Variants in PIP5K1B observed in about 807,000 individuals in gnomAD.
PIP5K1B encodes phosphatidylinositol 4-phosphate 5-kinase type-1 beta.
PIP5K1B carries 42 observed loss-of-function variants against 67.0 expected under a neutral mutation model. The observed-to-expected ratio is 0.63, with a 90% confidence interval of 0.49 to 0.81. PIP5K1B has a LOEUF of 0.81. Ranked by LOEUF, PIP5K1B falls within the 30% of genes least tolerant of loss-of-function variation. The pLI is 0.00. For synonymous variants in PIP5K1B, 214 were observed against 231.4 expected, an observed-to-expected ratio of 0.92 and a Z score of 0.68; for missense variants, 459 against 646.3, an observed-to-expected ratio of 0.71 and a Z score of 3.14.
intron 14 of PIP5K1B, among the ~76,000 whole-genome samples, chr9:68,990,450 C>T (rs1479855904): frequency 5.3e-5 from 8 of 151,950 alleles, no homozygotes; most frequent in Admixed American, 5.3e-4. Context: ...GCTAATGATG[C>T]ACAAGGTTAT....
At chr9:68,811,561 A>G (rs1217170987) in intron 2 of PIP5K1B, among the ~76,000 whole-genome samples, 1 of 151,880 alleles carries the variant, frequency 6.6e-6, no homozygotes, top group Non-Finnish European at 1.5e-5. Flanking sequence ...TGCAGTTCCA[A>G]CTTCTGCCAG....
At position 68,780,059 on chromosome 9, in the gene PIP5K1B, G is replaced by A. The variant is rs972535605; in HGVS notation, c.-86+37402G>A. On this transcript the variant is annotated intron_variant, in intron 2 of 15. Coordinates refer to ENST00000265382, the MANE Select transcript of PIP5K1B (RefSeq NM_003558.4). ...TACGCATGCGCAGAGGGGCCAGCCC[G>A]CTGACAGATTCTCGGTGGCGGCGGC... 2.5e-5 allele frequency: 35 copies of A among 1,404,306 alleles called. No homozygotes were observed. In the African/African-American group the frequency reaches 4.5e-4, roughly 18 times the overall value. The allele number at this position is 1,404,306 out of a possible 1,614,324, so 87.0% of individuals were successfully genotyped here.
At chr9:68,818,795 A>G (rs761004418) in intron 3 of PIP5K1B, among the ~76,000 whole-genome samples, 3 of 152,194 alleles carry the variant, frequency 2.0e-5, no homozygotes, top group Non-Finnish European at 2.9e-5. Flanking sequence ...TGTGTGTTAA[A>G]TTTTTAAATA....
At chr9:68,911,297 C>T (rs1276434848) in intron 8 of PIP5K1B, among the ~76,000 whole-genome samples, 1 of 151,618 alleles carries the variant, frequency 6.6e-6, no homozygotes, top group Admixed American at 6.6e-5. Flanking sequence ...TGCTTGAACC[C>T]GGGAAGCGGA....
At chr9:68,937,963 G>C (rs1182770539) in intron 13 of PIP5K1B, among the ~76,000 whole-genome samples, 1 of 152,174 alleles carries the variant, frequency 6.6e-6, no homozygotes, top group East Asian at 1.9e-4. Context: ...TGTAGTCTGA[G>C]AGACTGTTAT....
intron 2 of PIP5K1B, among the ~76,000 whole-genome samples, chr9:68,800,156 G>A (rs1832523172): frequency 6.6e-6 from 1 of 152,198 alleles, no homozygotes; most frequent in South Asian, 2.1e-4. Flanking sequence ...ACTGAAAATA[G>A]TGATGGTGAA....
At chr9:68,948,981 T>G (rs1827931032) in intron 14 of PIP5K1B, among the ~76,000 whole-genome samples, 1 of 152,310 alleles carries the variant, frequency 6.6e-6, no homozygotes, top group African/African-American at 2.4e-5. Context: ...TGAGATAATA[T>G]TTCTGGGTAC....
chr9:68,838,905 C>A (rs1821770398), intron 4 of PIP5K1B, among the ~76,000 whole-genome samples: 1 of 152,134 alleles, frequency 6.6e-6, no homozygotes, highest in South Asian at 2.1e-4. Context: ...TCATGTTTCT[C>A]TTAAAATATT....
chr9:68,940,875 G>A lies in PIP5K1B; in HGVS notation c.1502+85G>A, dbSNP rs71503647. ...AACCAGTATCTCTGAATGAGGACAC[G>A]TCTCTAACAACCAGGATGTGCCTGT... On this transcript the variant is annotated intron_variant, in intron 14 of 15. Coordinates refer to ENST00000265382, the MANE Select transcript of PIP5K1B (RefSeq NM_003558.4). 551 of 1,237,100 alleles carry A rather than the reference G, an allele frequency of 4.5e-4. 5 individuals carry two copies. The highest frequency in any genetic ancestry group is 3.3e-3 in the South Asian group (265 of 79,638). 76.6% of individuals were successfully genotyped at this position (1,237,100 alleles called of 1,614,324 possible). A position where few individuals can be genotyped will look rare whatever the true frequency, so the allele number is the denominator to read the frequency against.
intron 3 of PIP5K1B, among the ~76,000 whole-genome samples, chr9:68,821,113 A>T (rs994790471): frequency 6.6e-6 from 1 of 152,116 alleles, no homozygotes; most frequent in Admixed American, 6.5e-5. Context: ...CCCTGTCTCT[A>T]ACAAAATAAT....
At chr9:68,984,135 G>T (rs1454263317) in intron 14 of PIP5K1B, among the ~76,000 whole-genome samples, 1 of 152,162 alleles carries the variant, frequency 6.6e-6, no homozygotes, top group Admixed American at 6.5e-5. Context: ...TACTCGTTCT[G>T]TATTATTATT....
In PIP5K1B at chr9:69,008,430, T is replaced by A; in HGVS notation, c.1621-17T>A. ...TGCCAAAATCTAGTCTCACACCTGC[T>A]TTTTTGCTCCCCCCAGTAAGTGAAA... On this transcript the variant is annotated splice_polypyrimidine_tract_variant and intron_variant, in intron 15 of 15. Transcript: ENST00000265382. 6.2e-7 allele frequency: 1 copy of A among 1,612,952 alleles called. No homozygotes were observed. The highest frequency in any genetic ancestry group is 8.5e-7 in the Non-Finnish European group (1 of 1,178,944).
At chr9:68,994,582 C>T (rs1187672438) in intron 15 of PIP5K1B, among the ~76,000 whole-genome samples, 1 of 152,094 alleles carries the variant, frequency 6.6e-6, no homozygotes, top group South Asian at 2.1e-4. Context: ...AAAGCTCCAT[C>T]GTACATCCAT....
At chr9:68,910,310 G>C (rs1407273346) in intron 8 of PIP5K1B, among the ~76,000 whole-genome samples, 1 of 152,144 alleles carries the variant, frequency 6.6e-6, no homozygotes, top group Non-Finnish European at 1.5e-5. Context: ...AAATACCTAT[G>C]GTGTGGGTAG....
At chr9:68,817,848 G>A (rs1428189212) in intron 2 of PIP5K1B, among the ~76,000 whole-genome samples, 1 of 150,992 alleles carries the variant, frequency 6.6e-6, no homozygotes, top group Admixed American at 6.6e-5. Context: ...GAGCCACCAT[G>A]CCTAGCCTAA....
rs1191514765 is a variant in PIP5K1B at position 68,742,579 on chromosome 9, G to T, written c.-164G>T. ...CCCAGTCCTGTGACCTTTCTCTGGTGCCTGATACCTCTCAGCATTTGAGGG... is the reference window on the plus strand; with the variant it reads ...CCCAGTCCTGTGACCTTTCTCTGGTTCCTGATACCTCTCAGCATTTGAGGG... On this transcript the variant is annotated 5_prime_UTR_variant, in exon 2 of 16. Coordinates refer to ENST00000265382, the MANE Select transcript of PIP5K1B (RefSeq NM_003558.4). 1.3e-5 allele frequency: 2 copies of T among 152,248 alleles called. No individual in the cohort carries two copies. Among genetic ancestry groups the T allele is most frequent in the African/African-American group, 4.8e-5 (2 of 41,454 alleles). The allele number at this position is 152,248 out of a possible 1,614,324, so 9.4% of individuals were successfully genotyped here.
chr9:68,771,466 A>G (rs1188942202), intron 2 of PIP5K1B, among the ~76,000 whole-genome samples: 15 of 152,184 alleles, frequency 9.9e-5, no homozygotes, highest in Non-Finnish European at 1.5e-5. Context: ...CATGTGTGTC[A>G]ATAGGGAGTG....
chr9:68,967,376 G>A (rs1464249280), intron 14 of PIP5K1B, among the ~76,000 whole-genome samples: 1 of 152,180 alleles, frequency 6.6e-6, no homozygotes, highest in Non-Finnish European at 1.5e-5. Flanking sequence ...AACTCCATCA[G>A]GCTGGGTCCT....
At chr9:68,775,710 A>C (rs1274271716) in intron 2 of PIP5K1B, among the ~76,000 whole-genome samples, 1 of 152,148 alleles carries the variant, frequency 6.6e-6, no homozygotes, top group African/African-American at 2.4e-5. Context: ...GTTAACCAAA[A>C]CTGTGGGTAG....
Sources: gnomAD v4.1 joint callset for allele counts (sites outside exome capture counted in the v4.1 genomes callset) on GRCh38, gnomAD v4.1.1 for gene constraint, MANE v1.5 for transcripts, NCBI Gene and HGNC (gene_info 2026-07-23, HGNC 2026-07-21) for gene names.